Variants in SYK observed in about 807,000 individuals in gnomAD.
The protein encoded by SYK is tyrosine-protein kinase SYK.
SYK carries 16 observed loss-of-function variants against 77.8 expected under a neutral mutation model. That is an observed-to-expected ratio of 0.21 (90% confidence interval 0.14 to 0.31). SYK has a LOEUF of 0.31. Among genes scored for constraint, SYK ranks in the 10% least tolerant of loss-of-function variants. The pLI is 1.00. For synonymous variants in SYK, 312 were observed against 308.7 expected (o/e 1.01, Z -0.11); for missense variants, 529 against 814.4 (o/e 0.65, Z 4.26).
intron 11 of SYK, among the ~76,000 whole-genome samples, chr9:90,884,280 C>A (rs1389822068): frequency 3.5e-5 from 2 of 57,536 alleles, no homozygotes; most frequent in African/African-American, 1.5e-4. Context: ...TATATATACA[C>A]ACATATACAC....
At chr9:90,817,932 G>T (rs893051336) in intron 1 of SYK, among the ~76,000 whole-genome samples, 4 of 149,548 alleles carry the variant, frequency 2.7e-5, no homozygotes, top group East Asian at 4.1e-4. Context: ...AGAATGAATT[G>T]GTTTAATACA....
At chr9:90,804,446 G>A (rs1824736993) in intron 1 of SYK, among the ~76,000 whole-genome samples, 1 of 152,140 alleles carries the variant, frequency 6.6e-6, no homozygotes. Flanking sequence ...AGTTATCTAA[G>A]CCTAAGTGAT....
intron 3 of SYK, among the ~76,000 whole-genome samples, chr9:90,850,525 A>G (rs1435015655): frequency 6.6e-6 from 1 of 151,810 alleles, no homozygotes; most frequent in Non-Finnish European, 1.5e-5. Context: ...CAAAAAATAT[A>G]TATATTATTA....
intron 3 of SYK, among the ~76,000 whole-genome samples, chr9:90,853,608 A>G (rs1478328892): frequency 6.6e-6 from 1 of 152,128 alleles, no homozygotes; most frequent in Non-Finnish European, 1.5e-5. Context: ...ATTCTCAGTA[A>G]ACTATCGCAA....
chr9:90,816,371 C>T (rs75098963), intron 1 of SYK, among the ~76,000 whole-genome samples: 4,570 of 152,254 alleles, frequency 0.03, 247 homozygotes, highest in African/African-American at 0.1. Context: ...TAGTCTAAGT[C>T]CTGAAATCGT....
At chr9:90,855,365 A>T (rs1826986917) in intron 3 of SYK, among the ~76,000 whole-genome samples, 1 of 152,032 alleles carries the variant, frequency 6.6e-6, no homozygotes, top group African/African-American at 2.4e-5. Context: ...CATTGGTGAG[A>T]GGTGTTGTTC....
chr9:90,823,693 A>C (rs1047813600), intron 1 of SYK, among the ~76,000 whole-genome samples: 6 of 152,180 alleles, frequency 3.9e-5, no homozygotes, highest in Admixed American at 1.3e-4. Context: ...AAATATTTTG[A>C]AGTGCATAAA....
intron 1 of SYK, among the ~76,000 whole-genome samples, chr9:90,809,914 T>C (rs1382863755): frequency 3.3e-5 from 5 of 151,918 alleles, no homozygotes; most frequent in Admixed American, 6.6e-5. Context: ...GTTATGGAAA[T>C]GTTTGTGAGG....
At chr9:90,825,277 G>C (rs1367584696) in intron 1 of SYK, among the ~76,000 whole-genome samples, 1 of 152,192 alleles carries the variant, frequency 6.6e-6, no homozygotes, top group African/African-American at 2.4e-5. Context: ...ACTCAATGTT[G>C]TTAAAATGTT....
chr9:90,895,479 A>G lies in SYK; in HGVS notation c.1836-49A>G, dbSNP rs158689. The G allele has an allele frequency of 6.2e-7, 1 of 1,604,166 alleles. No homozygotes were observed. The highest frequency in any genetic ancestry group is 8.5e-7 in the Non-Finnish European group (1 of 1,172,758). ...GCAGAGGCCCTGCTTGTGATCAGCA[A>G]TTTTTCACAAGCACATTGACAAACA... On this transcript the variant is annotated intron_variant, in intron 13 of 13. Coordinates refer to ENST00000375754, the MANE Select transcript of SYK (RefSeq NM_003177.7). This position sits in a 1 kb window ranked among gnomAD's most constrained non-coding sequence, Gnocchi z 4.4.
At chr9:90,874,376 C>T in intron 8 of SYK, 85 bp downstream of exon 8, 1 of 1,369,020 alleles carries the variant, frequency 7.3e-7, no homozygotes, top group South Asian at 1.2e-5. Flanking sequence ...CACGAATCCA[C>T]ACCACGTCCG....
At chr9:90,888,343 CA>C (rs1468623321) in intron 12 of SYK, among the ~76,000 whole-genome samples, 171 bp from the exon 13 acceptor site, 1 of 152,162 alleles carries the variant, frequency 6.6e-6, no homozygotes, top group Non-Finnish European at 1.5e-5. Context: ...CAGCCTTCCC[CA>C]GGGGTGACCC....
intron 1 of SYK, among the ~76,000 whole-genome samples, chr9:90,827,307 A>C (rs1262298680): frequency 6.6e-6 from 1 of 152,128 alleles, no homozygotes; most frequent in Admixed American, 6.5e-5. Flanking sequence ...TGCAATTAAA[A>C]GAGGCCCCGT....
intron 1 of SYK, among the ~76,000 whole-genome samples, chr9:90,841,707 A>C (rs928313110): frequency 7.2e-6 from 1 of 139,370 alleles, no homozygotes. Context: ...AGTATGTGTG[A>C]TGTGTGTAGT....
intron 1 of SYK, among the ~76,000 whole-genome samples, chr9:90,822,803 A>G (rs138601634): frequency 6.6e-6 from 1 of 152,206 alleles, no homozygotes; most frequent in Non-Finnish European, 1.5e-5. Context: ...CACACAGCTC[A>G]GGTACAAGGC....
chr9:90,874,210 C>T lies in SYK; in HGVS notation c.922C>T (p.Pro308Ser), dbSNP rs769804435. Residue 308 changes from proline to serine, a missense_variant, in exon 8 of 14, where the codon CCT becomes TCT. By Grantham distance (74) the Pro-to-Ser change is moderately conservative (BLOSUM62 -1). This residue lies in a region of SYK where 321 missense variants were observed against 433.1 expected (regional missense o/e 0.74). Transcript: ENST00000375754. Reference protein sequence around the residue: ...FPKPGHRKSSPAQGNRQESTV... With the variant: ...FPKPGHRKSSSAQGNRQESTV... ...TGTCCTTTATGTACTTTAGTCCTCC[C>T]CTGCCCAAGGGAACCGGCAAGAGAG... 4.3e-6 allele frequency: 7 copies of T among 1,614,110 alleles called. No individual in the cohort carries two copies. In the South Asian group the frequency reaches 5.5e-5, roughly 13 times the overall value.
rs1827263299 is a variant in SYK, at chr9:90,861,537, CCCTTT to C, written c.579-665_579-661del. Among the ~76,000 whole-genome samples, 4 of 36,034 alleles carry C rather than the reference CCCTTT, an allele frequency of 1.1e-4. No homozygotes were observed. In the Admixed American group the frequency reaches 1.3e-3, roughly 11 times the overall value. The allele number at this position is 36,034 out of a possible 152,430, so 23.6% of individuals were successfully genotyped here. On this transcript the variant is annotated intron_variant, in intron 3 of 13. Transcript: ENST00000375754. ...GGAGCTTGGAAGTCCAGCCCTGCCT[CCCTTT>C]CCTGCAGTGGGAGAGTGGAAGTCCA... is the stretch of plus-strand genomic sequence containing the variant.
intron 1 of SYK, among the ~76,000 whole-genome samples, chr9:90,841,042 G>C (rs181990719): frequency 6.6e-6 from 1 of 151,834 alleles, no homozygotes. Context: ...TGTGTGTAGT[G>C]TGTATGTAGT....
chr9:90,826,543 T>G (rs1205215898), intron 1 of SYK, among the ~76,000 whole-genome samples: 1 of 152,258 alleles, frequency 6.6e-6, no homozygotes, highest in Non-Finnish European at 1.5e-5. Context: ...CTGTTGTGTT[T>G]CTGAACACTT....
Sources: gnomAD v4.1 joint callset for allele counts (sites outside exome capture counted in the v4.1 genomes callset) on GRCh38, gnomAD v4.1.1 for gene constraint, gnomAD v4.1.1 regional missense constraint, Gnocchi (gnomAD v3.1) non-coding constraint, MANE v1.5 for transcripts, NCBI Gene and HGNC (gene_info 2026-07-23, HGNC 2026-07-21) for gene names.